Variants in MACROD2 observed in about 807,000 individuals in gnomAD.
The protein encoded by MACROD2 is mono-ADP ribosylhydrolase 2, also known as ADP-ribose glycohydrolase MACROD2.
MACROD2 carries 36 observed loss-of-function variants against 70.4 expected under a neutral mutation model. The observed-to-expected ratio is 0.51, with a 90% CI of 0.39 to 0.68. The LOEUF is 0.68. Ranked by LOEUF, MACROD2 falls within the 30% of genes least tolerant of loss-of-function variation. The probability of loss-of-function intolerance (pLI) is 0.00; values close to 1 mark genes in which losing one functional copy is unlikely to be tolerated. For synonymous variants in MACROD2, 172 were observed against 178.8 expected, an observed-to-expected ratio of 0.96 and a Z score of 0.30; for missense variants, 496 against 538.4, an observed-to-expected ratio of 0.92 and a Z score of 0.78.
intron 7 of MACROD2, among the ~76,000 whole-genome samples, chr20:15,438,475 C>T (rs554924369): frequency 1.3e-5 from 2 of 152,078 alleles, no homozygotes; most frequent in Non-Finnish European, 2.9e-5. Context: ...ACATGTATGT[C>T]TTCTTTTGAG....
chr20:15,366,598 G>A (rs2146254732), intron 6 of MACROD2, among the ~76,000 whole-genome samples: 1 of 152,150 alleles, frequency 6.6e-6, no homozygotes, highest in East Asian at 1.9e-4. Context: ...GCCCAGGCTG[G>A]GGAGTATGGT....
chr20:14,581,127 A>G (rs550365452), intron 4 of MACROD2, among the ~76,000 whole-genome samples: 2 of 152,338 alleles, frequency 1.3e-5, no homozygotes, highest in East Asian at 3.9e-4. Flanking sequence ...CAGCTAAAGC[A>G]TATGATCTAA....
intron 5 of MACROD2, among the ~76,000 whole-genome samples, chr20:14,783,012 AG>A (rs1568792937): frequency 6.6e-6 from 1 of 152,112 alleles, no homozygotes; most frequent in East Asian, 1.9e-4. Flanking sequence ...GATTGCTGAG[AG>A]TTGGGGGAGC....
chr20:14,120,512 C>T (rs1307398407), intron 3 of MACROD2, among the ~76,000 whole-genome samples: 1 of 151,734 alleles, frequency 6.6e-6, no homozygotes, highest in African/African-American at 2.4e-5. Context: ...CCCAGCAATC[C>T]CATTACTAGG....
Position 14,013,273 on chromosome 20 carries a change from CT to C in MACROD2, c.163+10886del, listed in dbSNP as rs770856375. 1.1e-3 allele frequency among the ~76,000 whole-genome samples: 142 copies of C among 128,702 alleles called. 1 individual carries two copies. The highest frequency in any genetic ancestry group is 1.5e-3 in the South Asian group (6 of 3,954). The allele number at this position is 128,702 out of a possible 152,430, so 84.4% of individuals were successfully genotyped here. A position where few individuals can be genotyped will look rare whatever the true frequency, so the allele number is the denominator to read the frequency against. ...GTTGTTCAAGGGTCAACTGTACTTT[CT>C]TTTTTTTTTTTTTTTTGAGACGAAG... On this transcript the variant is annotated intron_variant, in intron 2 of 17. Coordinates refer to ENST00000684519, the MANE Select transcript of MACROD2 (RefSeq NM_001351661.2).
chr20:15,261,499 C>A (rs997167538), intron 6 of MACROD2, among the ~76,000 whole-genome samples: 2 of 151,838 alleles, frequency 1.3e-5, no homozygotes, highest in Non-Finnish European at 2.9e-5. Context: ...ATATAGAAAC[C>A]TGTACTTTTT....
intron 3 of MACROD2, among the ~76,000 whole-genome samples, chr20:14,491,439 C>G (rs6033971): frequency 1.3e-5 from 2 of 152,106 alleles, no homozygotes; most frequent in Non-Finnish European, 2.9e-5. Context: ...ATGGAATTAC[C>G]TTAAAAGTGA....
chr20:14,274,505 A>C (rs1462323240), intron 3 of MACROD2, among the ~76,000 whole-genome samples: 1 of 152,172 alleles, frequency 6.6e-6, no homozygotes, highest in Non-Finnish European at 1.5e-5. Context: ...TCAAAATAAT[A>C]AGAGCTACTC....
intron 8 of MACROD2, among the ~76,000 whole-genome samples, chr20:15,689,574 C>A (rs2050273121): frequency 6.6e-6 from 1 of 152,078 alleles, no homozygotes; most frequent in Admixed American, 6.5e-5. Flanking sequence ...CAGAGGGAAG[C>A]ATTCAGGCAA....
intron 5 of MACROD2, among the ~76,000 whole-genome samples, chr20:14,731,424 G>T (rs1053416490): frequency 6.6e-6 from 1 of 152,084 alleles, no homozygotes; most frequent in Non-Finnish European, 1.5e-5. Flanking sequence ...CCCTTCCAAC[G>T]TACCACATGG....
chr20:14,327,445 A>G, intron 3 of MACROD2: 3 of 1,613,516 alleles, frequency 1.9e-6, no homozygotes, highest in South Asian at 1.1e-5. Context: ...TAGAGGTGCT[A>G]CTTGAAGGAA....
At chr20:14,515,720 G>C (rs1158522299) in intron 4 of MACROD2, among the ~76,000 whole-genome samples, 1 of 151,974 alleles carries the variant, frequency 6.6e-6, no homozygotes, top group Non-Finnish European at 1.5e-5. Flanking sequence ...TTGGAGAGAA[G>C]AGGAGCTGTT....
At chr20:14,792,075 T>G (rs2123803249) in intron 5 of MACROD2, among the ~76,000 whole-genome samples, 1 of 152,170 alleles carries the variant, frequency 6.6e-6, no homozygotes, top group South Asian at 2.1e-4. Context: ...ACTTGAGGGT[T>G]TTTTTAATGA....
At chr20:14,498,943 G>A (rs1320486061) in intron 4 of MACROD2, among the ~76,000 whole-genome samples, 1 of 152,206 alleles carries the variant, frequency 6.6e-6, no homozygotes, top group African/African-American at 2.4e-5. Flanking sequence ...CATGCTGGGA[G>A]GAATCTAGGA....
chr20:15,642,106 G>A (rs2049468600), intron 8 of MACROD2, among the ~76,000 whole-genome samples: 1 of 152,080 alleles, frequency 6.6e-6, no homozygotes, highest in Admixed American at 6.5e-5. Flanking sequence ...CAAAAAATGA[G>A]AACATAAAGA....
At chr20:15,112,439 G>T (rs757658924) in intron 5 of MACROD2, among the ~76,000 whole-genome samples, 1 of 151,986 alleles carries the variant, frequency 6.6e-6, no homozygotes, top group African/African-American at 2.4e-5. Flanking sequence ...TTATTTGATT[G>T]CCTTGAGGCC....
At chr20:15,404,742 G>A (rs561478600) in intron 6 of MACROD2, among the ~76,000 whole-genome samples, 4 of 152,266 alleles carry the variant, frequency 2.6e-5, no homozygotes, top group African/African-American at 9.6e-5. Flanking sequence ...AGGCCTTGCT[G>A]TCCTCCTGGG....
At chr20:14,902,794 T>C (rs1228332698) in intron 5 of MACROD2, among the ~76,000 whole-genome samples, 8 of 151,924 alleles carry the variant, frequency 5.3e-5, no homozygotes, top group Non-Finnish European at 1.5e-5. Context: ...TGGGAAGGAC[T>C]CAAGGAATGC....
intron 6 of MACROD2, among the ~76,000 whole-genome samples, chr20:15,256,996 TTG>T (rs1006863640): frequency 6.6e-6 from 1 of 152,070 alleles, no homozygotes; most frequent in Non-Finnish European, 1.5e-5. Context: ...TTAAATTTTA[TTG>T]TCAGATTACC....
Sources: gnomAD v4.1 joint callset for allele counts (sites outside exome capture counted in the v4.1 genomes callset) on GRCh38, gnomAD v4.1.1 for gene constraint, MANE v1.5 for transcripts, NCBI Gene and HGNC (gene_info 2026-07-23, HGNC 2026-07-21) for gene names.